Variants in TIAM1 observed in about 807,000 individuals in gnomAD.
TIAM1 encodes the protein TIAM Rac1 associated GEF 1, also known as rho guanine nucleotide exchange factor TIAM1.
A neutral mutation model predicts 163.5 loss-of-function variants in TIAM1; 65 were observed. The observed-to-expected ratio is 0.40, with a 90% confidence interval of 0.33 to 0.49. TIAM1 has a LOEUF of 0.49. TIAM1 is among the 20% of genes least tolerant of loss of function. The probability of loss-of-function intolerance (pLI) is 0.77; values close to 1 mark genes in which losing one functional copy is unlikely to be tolerated. For missense variants in TIAM1, 1,789 were observed against 2,044.7 expected, an observed-to-expected ratio of 0.87 and a Z score of 2.41; for synonymous variants, 833 against 810.1, an observed-to-expected ratio of 1.03 and a Z score of -0.48.
intron 2 of TIAM1, among the ~76,000 whole-genome samples, chr21:31,369,231 A>G (rs940414279): frequency 3.3e-5 from 5 of 150,244 alleles, no homozygotes; most frequent in East Asian, 1.9e-4. Flanking sequence ...ATCTCAAAAA[A>G]AAAGAAAGAA....
At chr21:31,396,776 C>A (rs2077079115) in intron 2 of TIAM1, among the ~76,000 whole-genome samples, 1 of 151,684 alleles carries the variant, frequency 6.6e-6, no homozygotes, top group South Asian at 2.1e-4. Context: ...CATGGTGAAA[C>A]CCCACCTTTA....
chr21:31,505,249 C>T (rs899936989), intron 1 of TIAM1, among the ~76,000 whole-genome samples: 4 of 152,162 alleles, frequency 2.6e-5, no homozygotes, highest in Non-Finnish European at 5.9e-5. Context: ...ACAGTGTTGA[C>T]ATAGGATTCA....
chr21:31,456,127 G>A (rs1037733919), intron 2 of TIAM1, among the ~76,000 whole-genome samples: 1 of 152,184 alleles, frequency 6.6e-6, no homozygotes, highest in South Asian at 2.1e-4. Context: ...GTTCCAGAAG[G>A]GGGTTGTTGG....
Position 31,344,169 on chromosome 21 carries a change from C to T in TIAM1, c.-400G>A, listed in dbSNP as rs1602054781. 6.6e-6 allele frequency: 1 copy of T among 152,388 alleles called. No homozygotes were observed. Among genetic ancestry groups the T allele is most frequent in the Middle Eastern group, 3.4e-3 (1 of 294 alleles). The allele number at this position is 152,388 out of a possible 1,614,324, so 9.4% of individuals were successfully genotyped here. ...TCAACAAGGCGCGCACGTTTCTCCCCGTCTGGCTTCACATGTCCCAAACTT... is the reference window on the plus strand; with the variant it reads ...TCAACAAGGCGCGCACGTTTCTCCCTGTCTGGCTTCACATGTCCCAAACTT... On this transcript the variant is annotated 5_prime_UTR_variant, in exon 1 of 28. Coordinates refer to ENST00000541036, the MANE Select transcript of TIAM1 (RefSeq NM_001353694.2).
chr21:31,463,469 T>A (rs2045407691), intron 2 of TIAM1, among the ~76,000 whole-genome samples: 2 of 152,088 alleles, frequency 1.3e-5, no homozygotes. Flanking sequence ...ACCTCCTAAT[T>A]GGTCTCCCTG....
intron 2 of TIAM1, among the ~76,000 whole-genome samples, chr21:31,458,525 T>C (rs1257020725): frequency 1.3e-5 from 2 of 152,148 alleles, no homozygotes; most frequent in Admixed American, 6.5e-5. Flanking sequence ...ATTCCCTCAA[T>C]GTATTCTTCT....
rs904551874 is a variant in TIAM1 at position 31,209,399 on chromosome 21, A to G, written c.2388+646T>C. ...GAAAAATGAAACCAGGTTCACTTTG[A>G]AAAAGATCAAGGCATTTCTTCCATG... On this transcript the variant is annotated intron_variant, in intron 11 of 27. Transcript: ENST00000541036. 1.6e-4 allele frequency among the ~76,000 whole-genome samples: 25 copies of G among 152,186 alleles called. 1 individual carries two copies. Among genetic ancestry groups the G allele is most frequent in the Admixed American group, 1.4e-3 (22 of 15,280 alleles).
chr21:31,128,999 G>C (rs1017609788), intron 25 of TIAM1, among the ~76,000 whole-genome samples: 3 of 152,198 alleles, frequency 2.0e-5, no homozygotes, highest in Non-Finnish European at 4.4e-5. Context: ...TTGGATAGTA[G>C]GAACTTGTAG....
intron 2 of TIAM1, among the ~76,000 whole-genome samples, chr21:31,437,755 C>T (rs1402139537): frequency 6.6e-6 from 1 of 152,096 alleles, no homozygotes; most frequent in East Asian, 1.9e-4. Flanking sequence ...GTAAGAGTTG[C>T]CTGCTTCACC....
intron 22 of TIAM1, among the ~76,000 whole-genome samples, chr21:31,139,980 T>C (rs1173104567): frequency 6.6e-6 from 1 of 152,264 alleles, no homozygotes; most frequent in Non-Finnish European, 1.5e-5. Context: ...CCTCAACATT[T>C]CTTCACTCCA....
chr21:31,423,700 TAAAAAAAAA>T (rs200137644), intron 2 of TIAM1, among the ~76,000 whole-genome samples: 10 of 48,226 alleles, frequency 2.1e-4, no homozygotes, highest in African/African-American at 5.0e-4. Flanking sequence ...TAGAAAGTTG[TAAAAAAAAA>T]AAAAAAAAAA....
At chr21:31,149,922 A>G (rs760596228) in intron 19 of TIAM1, among the ~76,000 whole-genome samples, 10 of 152,214 alleles carry the variant, frequency 6.6e-5, no homozygotes, top group Non-Finnish European at 1.5e-5. Flanking sequence ...GGTGAAAGAT[A>G]TATTATTGTG....
At chr21:31,434,944 G>A (rs1239247948) in intron 2 of TIAM1, among the ~76,000 whole-genome samples, 3 of 152,230 alleles carry the variant, frequency 2.0e-5, no homozygotes, top group African/African-American at 7.2e-5. Flanking sequence ...GTAAACGAAT[G>A]AAGTATTATG....
chr21:31,447,216 C>T (rs2044658703), intron 2 of TIAM1, among the ~76,000 whole-genome samples: 2 of 152,142 alleles, frequency 1.3e-5, no homozygotes. Flanking sequence ...AAGGGAAACC[C>T]CAACTCTACA....
At chr21:31,228,023 C>T (rs2088092044) in intron 6 of TIAM1, among the ~76,000 whole-genome samples, 1 of 151,560 alleles carries the variant, frequency 6.6e-6, no homozygotes, top group African/African-American at 2.4e-5. Context: ...CTGCCTCAGC[C>T]TCCCGAGTAG....
intron 4 of TIAM1, among the ~76,000 whole-genome samples, chr21:31,263,516 CAT>C (rs1336470659): frequency 2.6e-5 from 4 of 152,208 alleles, no homozygotes; most frequent in Middle Eastern, 3.4e-3. Flanking sequence ...AATAATGACA[CAT>C]GAGAGCTTTC....
At chr21:31,234,711 G>T (rs2088647340) in intron 6 of TIAM1, among the ~76,000 whole-genome samples, 1 of 152,096 alleles carries the variant, frequency 6.6e-6, no homozygotes, top group African/African-American at 2.4e-5. Flanking sequence ...AGCCTTGGGA[G>T]GCTGAGGCTG....
chr21:31,435,938 T>C (rs1174030456), intron 2 of TIAM1, among the ~76,000 whole-genome samples: 1 of 152,220 alleles, frequency 6.6e-6, no homozygotes. Flanking sequence ...CCCCTTGATC[T>C]TGGACTTCCC....
At chr21:31,270,508 T>C (rs1163931538) in intron 3 of TIAM1, among the ~76,000 whole-genome samples, 3 of 152,188 alleles carry the variant, frequency 2.0e-5, no homozygotes, top group African/African-American at 7.2e-5. Context: ...CTCTCATGTT[T>C]AGGGACTAGG....
Sources: allele counts gnomAD v4.1 joint callset (sites outside exome capture counted in the v4.1 genomes callset), GRCh38; gene constraint gnomAD v4.1.1; transcripts MANE v1.5; gene names NCBI Gene and HGNC (gene_info 2026-07-23, HGNC 2026-07-21).